Variants in NRXN1 observed in about 807,000 individuals in gnomAD.
NRXN1 encodes the protein neurexin 1.
In NRXN1, 39 loss-of-function variants were observed where a neutral mutation model predicts 150.9. That is an observed-to-expected ratio of 0.26 (90% confidence interval 0.20 to 0.34). The LOEUF is 0.34. NRXN1 is among the 10% of genes least tolerant of loss of function. NRXN1 has a pLI of 1.00. For synonymous variants in NRXN1, 924 were observed against 757.0 expected (o/e 1.22, Z -3.62); for missense variants, 1,815 against 1,949.9 (o/e 0.93, Z 1.30).
chr2:50,068,211 T>A (rs1695659039), intron 19 of NRXN1, among the ~76,000 whole-genome samples: 1 of 152,190 alleles, frequency 6.6e-6, no homozygotes, highest in Non-Finnish European at 1.5e-5. Context: ...GTCCATTGTA[T>A]GCAAATAATT....
intron 17 of NRXN1, among the ~76,000 whole-genome samples, chr2:50,313,389 T>C (rs923914889): frequency 6.6e-6 from 1 of 152,136 alleles, no homozygotes; most frequent in Non-Finnish European, 1.5e-5. Context: ...GCATTTATGA[T>C]GCTCTTGAGT....
intron 21 of NRXN1, among the ~76,000 whole-genome samples, chr2:49,958,576 A>C (rs992356975): frequency 1.3e-5 from 2 of 152,180 alleles, no homozygotes; most frequent in Non-Finnish European, 2.9e-5. Flanking sequence ...AATTAAGGAC[A>C]AGAAAGAAAC....
Position 50,506,606 on chromosome 2 carries a change from C to T in NRXN1, c.2386G>A (p.Glu796Lys), listed in dbSNP as rs1285800435. ...AGGTTATAGCCAGCAAAAAGAGTCT[C>T]GGGACCTTTGCCTGTAGAATATGCC... ...RINCNSSKGP[E>K]TLFAGYNLND... The change falls in exon 13 of 23, where the codon GAG becomes AAG. Residue 796 changes from glutamate (E) to lysine (K), a missense_variant. This residue lies in a region of NRXN1 where 638 missense variants were observed against 652.6 expected (regional missense o/e 0.98). Transcript: ENST00000401669. 3.7e-6 allele frequency: 6 copies of T among 1,613,152 alleles called. No individual in the cohort carries two copies. The highest frequency in any genetic ancestry group is 2.2e-5 in the East Asian group (1 of 44,830).
intron 21 of NRXN1, among the ~76,000 whole-genome samples, chr2:49,978,604 G>A (rs535111123): frequency 4.0e-5 from 6 of 151,726 alleles, no homozygotes; most frequent in African/African-American, 1.5e-4. Context: ...TTTAAGCAAA[G>A]CTAATGCCTT....
At chr2:50,102,134 A>G (rs979791612) in intron 18 of NRXN1, among the ~76,000 whole-genome samples, 3 of 152,050 alleles carry the variant, frequency 2.0e-5, no homozygotes, top group Admixed American at 6.6e-5. Context: ...ATCTATGTTC[A>G]TGTGTGTGAT....
chr2:50,271,556 T>C (rs1260866870), intron 17 of NRXN1, among the ~76,000 whole-genome samples: 2 of 152,146 alleles, frequency 1.3e-5, no homozygotes, highest in Non-Finnish European at 2.9e-5. Flanking sequence ...TTAAAACATA[T>C]TAGGACAGGT....
chr2:50,424,127 CGGA>C (rs141016407), intron 17 of NRXN1, among the ~76,000 whole-genome samples: 7 of 92,356 alleles, frequency 7.6e-5, no homozygotes, highest in East Asian at 1.0e-3. Context: ...AAGAAGGAGG[CGGA>C]GGAGGAGGAG....
chr2:50,018,682 A>G (rs774497199), intron 21 of NRXN1, among the ~76,000 whole-genome samples: 2 of 152,226 alleles, frequency 1.3e-5, no homozygotes, highest in Non-Finnish European at 2.9e-5. Context: ...ATGTTTTTAT[A>G]GATCAAGGCT....
intron 18 of NRXN1, among the ~76,000 whole-genome samples, chr2:50,110,012 G>A (rs377207811): frequency 6.6e-6 from 1 of 152,098 alleles, no homozygotes; most frequent in African/African-American, 2.4e-5. Context: ...GTTAACACAA[G>A]TCTATGTTTA....
intron 5 of NRXN1, among the ~76,000 whole-genome samples, chr2:50,861,536 G>C (rs1290794014): frequency 6.6e-6 from 1 of 152,070 alleles, no homozygotes; most frequent in Non-Finnish European, 1.5e-5. Context: ...CCTTTACCAA[G>C]TTTGAGATCA....
chr2:50,321,409 T>A (rs1230959547), intron 17 of NRXN1, among the ~76,000 whole-genome samples: 1 of 152,146 alleles, frequency 6.6e-6, no homozygotes, highest in Non-Finnish European at 1.5e-5. Context: ...CTGGGAGAAA[T>A]AAACTGCAGT....
At chr2:50,678,072 T>G (rs1327741415) in intron 5 of NRXN1, among the ~76,000 whole-genome samples, 1 of 152,140 alleles carries the variant, frequency 6.6e-6, no homozygotes, top group Non-Finnish European at 1.5e-5. Context: ...ATTACAAGAA[T>G]AATTTTCTTC....
intron 5 of NRXN1, among the ~76,000 whole-genome samples, chr2:50,646,049 A>C (rs1684769115): frequency 6.6e-6 from 1 of 151,920 alleles, no homozygotes; most frequent in East Asian, 1.9e-4. Context: ...ATAAGGTCTA[A>C]ATCAGGTAGA....
At chr2:50,645,587 C>A (rs1684706666) in intron 5 of NRXN1, among the ~76,000 whole-genome samples, 1 of 151,954 alleles carries the variant, frequency 6.6e-6, no homozygotes, top group Non-Finnish European at 1.5e-5. Context: ...ATCCCAGGGA[C>A]TGGGAGAGTG....
chr2:50,551,964 C>T (rs1375736957), intron 9 of NRXN1, among the ~76,000 whole-genome samples: 1 of 152,120 alleles, frequency 6.6e-6, no homozygotes, highest in African/African-American at 2.4e-5. Context: ...CTTTACCTGC[C>T]ACCTTTACCC....
At chr2:50,570,659 A>C (rs1670534073) in intron 8 of NRXN1, among the ~76,000 whole-genome samples, 1 of 152,280 alleles carries the variant, frequency 6.6e-6, no homozygotes, top group Admixed American at 6.5e-5. Flanking sequence ...TTAGATATGA[A>C]TGTGTATAAA....
At chr2:50,755,156 A>T (rs544551062) in intron 5 of NRXN1, among the ~76,000 whole-genome samples, 1 of 151,826 alleles carries the variant, frequency 6.6e-6, no homozygotes, top group Non-Finnish European at 1.5e-5. Flanking sequence ...TCCACTGGAC[A>T]TACTTTAGGG....
intron 2 of NRXN1, among the ~76,000 whole-genome samples, chr2:51,025,505 A>G (rs934793489): frequency 6.6e-6 from 1 of 152,194 alleles, no homozygotes; most frequent in Non-Finnish European, 1.5e-5. Context: ...CCTCCCACAC[A>G]GTACAAGCTG....
intron 17 of NRXN1, among the ~76,000 whole-genome samples, chr2:50,399,487 G>A (rs1162049556): frequency 1.3e-5 from 2 of 151,922 alleles, no homozygotes; most frequent in Non-Finnish European, 2.9e-5. Context: ...TTTTAGGCAT[G>A]TTCTGTTCAG....
Sources: gnomAD v4.1 joint callset for allele counts (sites outside exome capture counted in the v4.1 genomes callset) on GRCh38, gnomAD v4.1.1 for gene constraint, gnomAD v4.1.1 regional missense constraint, MANE v1.5 for transcripts, NCBI Gene and HGNC (gene_info 2026-07-23, HGNC 2026-07-21) for gene names.